The following NEGR1 variants were observed in gnomAD, a reference collection of about 807,000 sequenced individuals.
NEGR1 encodes IgLON family member 4.
Under a neutral mutation model 40.9 loss-of-function variants are expected in NEGR1, and 10 were observed. The observed-to-expected ratio is 0.24, with a 90% CI of 0.15 to 0.42. The LOEUF is 0.42. Among genes scored for constraint, NEGR1 ranks in the 10% least tolerant of loss-of-function variants. The probability of loss-of-function intolerance (pLI) is 1.00; values close to 1 mark genes in which losing one functional copy is unlikely to be tolerated. For missense variants in NEGR1, 352 were observed against 438.9 expected (o/e 0.80, Z 1.77); for synonymous variants, 185 against 166.8 (o/e 1.11, Z -0.84).
intron 6 of NEGR1, among the ~76,000 whole-genome samples, chr1:71,456,067 CA>C (rs1287749074): frequency 6.6e-6 from 1 of 152,008 alleles, no homozygotes; most frequent in African/African-American, 2.4e-5. Flanking sequence ...GCTATATAAC[CA>C]AAATTTCAAA....
intron 1 of NEGR1, among the ~76,000 whole-genome samples, chr1:72,053,750 C>T (rs759173791): frequency 6.6e-6 from 1 of 151,038 alleles, no homozygotes; most frequent in Non-Finnish European, 1.5e-5. Flanking sequence ...TTGTTTTCCA[C>T]CCCTTTTTGC....
intron 1 of NEGR1, among the ~76,000 whole-genome samples, chr1:72,054,828 T>G (rs1647096024): frequency 6.6e-6 from 1 of 151,212 alleles, no homozygotes; most frequent in African/African-American, 2.4e-5. Flanking sequence ...TATCTATTTC[T>G]TTCTCTGCAT....
intron 4 of NEGR1, among the ~76,000 whole-genome samples, chr1:71,687,106 A>C (rs1439997375): frequency 2.6e-5 from 4 of 152,208 alleles, no homozygotes; most frequent in Admixed American, 6.5e-5. Flanking sequence ...TTGCAGAAAA[A>C]TTAATATGCA....
intron 1 of NEGR1, among the ~76,000 whole-genome samples, chr1:72,249,659 A>C (rs1262958781): frequency 1.3e-5 from 2 of 152,220 alleles, no homozygotes; most frequent in Non-Finnish European, 2.9e-5. Context: ...AAAAAGGGAG[A>C]TGAATGTGAG....
intron 1 of NEGR1, among the ~76,000 whole-genome samples, chr1:72,157,862 A>G (rs1459570996): frequency 3.9e-5 from 6 of 152,134 alleles, no homozygotes; most frequent in Non-Finnish European, 5.9e-5. Flanking sequence ...AGACAAAATT[A>G]CTGCTGCATA....
intron 6 of NEGR1, among the ~76,000 whole-genome samples, chr1:71,562,773 C>T (rs1417453767): frequency 2.6e-5 from 4 of 151,964 alleles, no homozygotes; most frequent in African/African-American, 9.7e-5. Flanking sequence ...GTCTAAGTGA[C>T]TCCAACAATA....
chr1:71,413,609 T>G (rs570145062), intron 6 of NEGR1, among the ~76,000 whole-genome samples: 1 of 152,250 alleles, frequency 6.6e-6, no homozygotes, highest in South Asian at 2.1e-4. Context: ...TTCCTTTTCT[T>G]CTCTTTTGCC....
intron 1 of NEGR1, among the ~76,000 whole-genome samples, chr1:72,092,904 G>A (rs976573677): frequency 1.3e-5 from 2 of 151,896 alleles, no homozygotes; most frequent in Admixed American, 6.6e-5. Flanking sequence ...TGCCTGTCTC[G>A]GCCTCCCAAA....
intron 5 of NEGR1, among the ~76,000 whole-genome samples, chr1:71,599,723 A>T (rs915805676): frequency 1.5e-4 from 23 of 152,220 alleles, no homozygotes. Context: ...TAAGCTATTT[A>T]AAATGCATGT....
At chr1:72,168,497 A>C (rs1651848063) in intron 1 of NEGR1, among the ~76,000 whole-genome samples, 1 of 152,098 alleles carries the variant, frequency 6.6e-6, no homozygotes. Context: ...CTTCAAGTTA[A>C]CATTTTTAAG....
chr1:71,963,674 T>C (rs951602917), intron 1 of NEGR1, among the ~76,000 whole-genome samples: 2 of 152,150 alleles, frequency 1.3e-5, no homozygotes, highest in African/African-American at 4.8e-5. Flanking sequence ...GTGAAAGAGA[T>C]ATTGTACTGC....
intron 1 of NEGR1, among the ~76,000 whole-genome samples, chr1:72,136,449 G>A (rs1650467693): frequency 6.6e-6 from 1 of 151,618 alleles, no homozygotes; most frequent in South Asian, 2.1e-4. Context: ...AAGTATAAAT[G>A]AGCTTGGGAA....
intron 2 of NEGR1, among the ~76,000 whole-genome samples, chr1:71,870,521 G>C (rs919498371): frequency 3.3e-5 from 5 of 152,054 alleles, no homozygotes; most frequent in Non-Finnish European, 5.9e-5. Context: ...TAAAAAACTG[G>C]CCTGTATTAA....
intron 1 of NEGR1, among the ~76,000 whole-genome samples, chr1:72,100,354 T>C (rs942727934): frequency 1.3e-5 from 2 of 152,202 alleles, no homozygotes; most frequent in African/African-American, 4.8e-5. Context: ...ATTTCAGTGC[T>C]TCCTCCGTTT....
At chr1:71,861,617 G>A (rs1265287546) in intron 2 of NEGR1, among the ~76,000 whole-genome samples, 1 of 152,032 alleles carries the variant, frequency 6.6e-6, no homozygotes, top group African/African-American at 2.4e-5. Flanking sequence ...AGTAAGTAAT[G>A]AGAAAGGAAT....
intron 5 of NEGR1, among the ~76,000 whole-genome samples, chr1:71,595,625 C>T (rs148257399): frequency 6.6e-6 from 1 of 152,302 alleles, no homozygotes; most frequent in Admixed American, 6.5e-5. Flanking sequence ...GAGCTCTATG[C>T]TGGCTGAGTG....
In NEGR1 at chr1:72,160,787, A is replaced by G. The variant is rs537339561; in HGVS notation, c.176+121532T>C. ...GGCATTCCTTTTGAGGCTAGAATTT[A>G]AGATTACCTGAAGGTAGAAAAATGC... is the stretch of plus-strand genomic sequence containing the variant. On this transcript the variant is annotated intron_variant, in intron 1 of 6. Coordinates refer to ENST00000357731, the MANE Select transcript of NEGR1 (RefSeq NM_173808.3). Among the ~76,000 whole-genome samples the G allele has an allele frequency of 2.5e-3, 385 of 152,322 alleles. 2 individuals are homozygous for G. The highest frequency in any genetic ancestry group is 8.9e-3 in the African/African-American group (368 of 41,578).
At chr1:72,053,605 C>T (rs1315441595) in intron 1 of NEGR1, among the ~76,000 whole-genome samples, 1 of 150,844 alleles carries the variant, frequency 6.6e-6, no homozygotes, top group Non-Finnish European at 1.5e-5. Context: ...AAATTAATTG[C>T]AAGGAACCAT....
At chr1:71,411,351 T>G (rs1424037384) in intron 6 of NEGR1, among the ~76,000 whole-genome samples, 1 of 152,142 alleles carries the variant, frequency 6.6e-6, no homozygotes, top group East Asian at 1.9e-4. Flanking sequence ...GAAGACAGCA[T>G]GTACTGAACT....
Sources: allele counts gnomAD v4.1 joint callset (sites outside exome capture counted in the v4.1 genomes callset), GRCh38; gene constraint gnomAD v4.1.1; transcripts MANE v1.5; gene names NCBI Gene and HGNC (gene_info 2026-07-23, HGNC 2026-07-21).